Variants in PDZD2 observed in about 807,000 individuals in gnomAD.
The protein encoded by PDZD2 is PDZ domain-containing protein 2.
Under a neutral mutation model 220.7 loss-of-function variants are expected in PDZD2, and 90 were observed. The ratio of observed to expected loss-of-function variants is 0.41; its 90% CI spans 0.34 to 0.49. The LOEUF is 0.49. PDZD2 is among the 20% of genes least tolerant of loss of function. The pLI, the probability that PDZD2 is intolerant of heterozygous loss-of-function variation, is 0.28. For missense variants in PDZD2, 3,174 were observed against 3,608.5 expected (o/e 0.88, Z 3.08); for synonymous variants, 1,375 against 1,450.5 (o/e 0.95, Z 1.18).
At chr5:32,096,373 A>C (rs978394771) in intron 21 of PDZD2, among the ~76,000 whole-genome samples, 1 of 151,940 alleles carries the variant, frequency 6.6e-6, no homozygotes, top group African/African-American at 2.4e-5. Flanking sequence ...CTGGAGTGCA[A>C]CTGGCATGAT....
chr5:31,893,563 C>T (rs1741256976), intron 2 of PDZD2, among the ~76,000 whole-genome samples: 1 of 146,182 alleles, frequency 6.8e-6, no homozygotes, highest in Non-Finnish European at 1.5e-5. Flanking sequence ...GAGCGAGACT[C>T]TGTCTCAAAA....
intron 1 of PDZD2, among the ~76,000 whole-genome samples, chr5:31,784,694 GT>G (rs796067113): frequency 0.1 from 15,141 of 152,090 alleles, 829 homozygotes; most frequent in South Asian, 0.18. Flanking sequence ...GGATCACGAG[GT>G]CAGGAGTTCA....
chr5:32,050,155 T>C (rs981560805), intron 8 of PDZD2, among the ~76,000 whole-genome samples: 8 of 152,134 alleles, frequency 5.3e-5, no homozygotes, highest in African/African-American at 1.9e-4. Context: ...GGTCTCAAAC[T>C]CCTGACCTCA....
chr5:32,070,985 C>T (rs532466810), intron 15 of PDZD2, among the ~76,000 whole-genome samples: 1 of 152,320 alleles, frequency 6.6e-6, no homozygotes, highest in Non-Finnish European at 1.5e-5. Flanking sequence ...AATAAATATC[C>T]AGCTCCGTGG....
intron 1 of PDZD2, among the ~76,000 whole-genome samples, chr5:31,787,880 T>G (rs6450865): frequency 0.099 from 15,017 of 152,210 alleles, 795 homozygotes; most frequent in South Asian, 0.18. Context: ...CTTTACGCAT[T>G]TTATTGTTGC....
At chr5:32,033,648 C>T (rs1755296139) in intron 6 of PDZD2, among the ~76,000 whole-genome samples, 1 of 151,708 alleles carries the variant, frequency 6.6e-6, no homozygotes, top group Non-Finnish European at 1.5e-5. Flanking sequence ...GAGACAGAGC[C>T]TCGCTCTTTT....
intron 5 of PDZD2, among the ~76,000 whole-genome samples, chr5:32,007,520 C>T (rs1238542506): frequency 6.6e-6 from 1 of 151,940 alleles, no homozygotes; most frequent in Non-Finnish European, 1.5e-5. Flanking sequence ...ATTACTGATT[C>T]AAATTATCTT....
At chr5:31,710,210 A>T (rs1286910639) in intron 1 of PDZD2, among the ~76,000 whole-genome samples, 3 of 152,174 alleles carry the variant, frequency 2.0e-5, no homozygotes, top group Non-Finnish European at 4.4e-5. Context: ...GAACTACTCG[A>T]ACTCCCTTTT....
intron 15 of PDZD2, 48 bp from the exon 16 acceptor site, chr5:32,071,336 A>G: frequency 7.4e-7 from 1 of 1,359,896 alleles, no homozygotes; most frequent in Non-Finnish European, 1.1e-6. Flanking sequence ...CCTATTTGTG[A>G]CTTGAGCTTT....
At chr5:31,995,810 AAAGCCCT>A in intron 4 of PDZD2, 92 bp downstream of exon 4, 1 of 1,175,096 alleles carries the variant, frequency 8.5e-7, no homozygotes, top group Non-Finnish European at 1.2e-6. Flanking sequence ...CCACTTGTTC[AAAGCCCT>A]GGCGATTATA....
At position 32,090,613 on chromosome 5, in the gene PDZD2, G is replaced by A; in HGVS notation, c.7165G>A (p.Ala2389Thr). 6.2e-7 allele frequency: 1 copy of A among 1,614,080 alleles called. No homozygotes were observed. Among genetic ancestry groups the A allele is most frequent in the Non-Finnish European group, 8.5e-7 (1 of 1,179,988 alleles). The change falls in exon 20 of 25, where the codon GCA becomes ACA. Residue 2389 changes from alanine to threonine, a missense_variant. This residue lies in a region of PDZD2 where 631 missense variants were observed against 789.9 expected (regional missense o/e 0.80). Transcript: ENST00000438447. This position sits in a 1 kb window ranked among gnomAD's most constrained non-coding sequence, Gnocchi z 4.3. ...SGSLGHPGDA[A>T]ARLLRRSLSS... ...GAGCCTGGGCCACCCAGGTGACGCA[G>A]CAGCAAGGTTGTTGAGACGCAGCTT...
chr5:31,775,664 CGTGTGTGTGT>C (rs370394146), intron 1 of PDZD2, among the ~76,000 whole-genome samples: 231 of 135,470 alleles, frequency 1.7e-3, no homozygotes, highest in South Asian at 5.4e-3. Context: ...ACTCACAGAG[CGTGTGTGTGT>C]GTGTGTGTGT....
intron 19 of PDZD2, 38 bp downstream of exon 19, chr5:32,077,644 TG>T (rs1741426721): frequency 6.2e-7 from 1 of 1,603,426 alleles, no homozygotes; most frequent in Admixed American, 1.7e-5. Context: ...TTAAAGTAGG[TG>T]GGGAGATACC....
rs906700967 is a variant in PDZD2 at position 32,087,562 on chromosome 5, A to C, written c.4114A>C (p.Ser1372Arg). ...AATGACAGGAATCCATGCACCTGAAAGCTCCCAGGAGCCTTCCCTGCTGGA... is the reference window on the plus strand; with the variant it reads ...AATGACAGGAATCCATGCACCTGAACGCTCCCAGGAGCCTTCCCTGCTGGA... ...LEMTGIHAPESSQEPSLLEGA... is the reference protein window; with the variant it reads ...LEMTGIHAPERSQEPSLLEGA... Residue 1372 changes from serine (S) to arginine (R), a missense_variant, in exon 20 of 25, where the codon AGC (serine) becomes CGC (arginine). Transcript: ENST00000438447. This position sits in a 1 kb window ranked among gnomAD's most constrained non-coding sequence, Gnocchi z 4.0. 1 of 1,613,848 alleles carries C rather than the reference A, an allele frequency of 6.2e-7. No homozygotes were observed. Among genetic ancestry groups the C allele is most frequent in the East Asian group, 2.2e-5 (1 of 44,866 alleles).
At chr5:32,085,201 C>G (rs1273577209) in intron 19 of PDZD2, among the ~76,000 whole-genome samples, 1 of 151,050 alleles carries the variant, frequency 6.6e-6, no homozygotes, top group African/African-American at 2.4e-5. Flanking sequence ...ATCCACCTGC[C>G]TTGGCCTCCC....
chr5:31,667,582 A>G (rs1746044177), intron 1 of PDZD2, among the ~76,000 whole-genome samples: 2 of 152,266 alleles, frequency 1.3e-5, no homozygotes, highest in South Asian at 2.1e-4. Flanking sequence ...CACAGATTCC[A>G]GGGCAGGAGG....
At position 31,730,589 on chromosome 5, in the gene PDZD2, TGTG is replaced by T. The variant is rs879682853; in HGVS notation, c.-360-68296_-360-68294del. ...GTGTGTGTGTGTGTGTGTGTGTGTG[TGTG>T]GTGTGTGTGTGTGTGTGTAAGGGAG... On this transcript the variant is annotated intron_variant, in intron 1 of 24. Coordinates refer to ENST00000438447, the MANE Select transcript of PDZD2 (RefSeq NM_178140.4). 7.2e-3 allele frequency among the ~76,000 whole-genome samples: 847 copies of T among 118,172 alleles called. 6 individuals are homozygous for T. Among genetic ancestry groups the T allele is most frequent in the African/African-American group, 0.018 (529 of 29,700 alleles). The allele number at this position is 118,172 out of a possible 152,430, so 77.5% of individuals were successfully genotyped here.
chr5:31,943,494 AC>A (rs978745200), intron 2 of PDZD2, among the ~76,000 whole-genome samples: 1 of 152,124 alleles, frequency 6.6e-6, no homozygotes, highest in Non-Finnish European at 1.5e-5. Flanking sequence ...TATTTTAGTT[AC>A]CCTGTGTAAT....
intron 1 of PDZD2, among the ~76,000 whole-genome samples, chr5:31,789,227 A>T (rs1753561551): frequency 6.6e-6 from 1 of 152,216 alleles, no homozygotes; most frequent in South Asian, 2.1e-4. Context: ...CCTATATGAA[A>T]GGAGCCTCCC....
Sources: gnomAD v4.1 joint callset for allele counts (sites outside exome capture counted in the v4.1 genomes callset) on GRCh38, gnomAD v4.1.1 for gene constraint, gnomAD v4.1.1 regional missense constraint, Gnocchi (gnomAD v3.1) non-coding constraint, MANE v1.5 for transcripts, NCBI Gene and HGNC (gene_info 2026-07-23, HGNC 2026-07-21) for gene names.